Variants in DNAJB6 observed in about 807,000 individuals in gnomAD.
The protein encoded by DNAJB6 is dnaJ homolog subfamily B member 6.
Under a neutral mutation model 42.7 loss-of-function variants are expected in DNAJB6, and 16 were observed. The ratio of observed to expected loss-of-function variants is 0.37; its 90% CI spans 0.25 to 0.57. The LOEUF (loss-of-function observed/expected upper bound fraction) is 0.57, where lower values mean the gene tolerates loss of function less well. DNAJB6 is among the 20% of genes least tolerant of loss of function. DNAJB6 has a pLI of 0.74. For missense variants in DNAJB6, 347 were observed against 416.8 expected (o/e 0.83, Z 1.46); for synonymous variants, 170 against 163.5 (o/e 1.04, Z -0.30).
At chr7:157,408,741 T>C (rs1193830556) in intron 8 of DNAJB6, among the ~76,000 whole-genome samples, 3 of 152,256 alleles carry the variant, frequency 2.0e-5, no homozygotes, top group Non-Finnish European at 1.5e-5. Context: ...AGCTCCTGAA[T>C]GTCTGTCGGT....
At chr7:157,350,171 T>C (rs1240477507) in intron 1 of DNAJB6, among the ~76,000 whole-genome samples, 1 of 152,194 alleles carries the variant, frequency 6.6e-6, no homozygotes, top group Non-Finnish European at 1.5e-5. Flanking sequence ...TATCTTTTGT[T>C]GGTGGCAATT....
At chr7:157,346,811 T>TGAC (rs1798711275) in intron 1 of DNAJB6, among the ~76,000 whole-genome samples, 1 of 152,334 alleles carries the variant, frequency 6.6e-6, no homozygotes, top group South Asian at 2.1e-4. Flanking sequence ...GCAGGTTTCC[T>TGAC]TGGAGACACG....
At chr7:157,369,757 C>CATT (rs1365434921) in intron 5 of DNAJB6, among the ~76,000 whole-genome samples, 1 of 148,948 alleles carries the variant, frequency 6.7e-6, no homozygotes, top group Non-Finnish European at 1.5e-5. Flanking sequence ...CCCTTCTTAA[C>CATT]ATTATTATTA....
At chr7:157,384,680 C>G (rs1800963145) in intron 6 of DNAJB6, among the ~76,000 whole-genome samples, 187 bp from the exon 7 acceptor site, 1 of 152,204 alleles carries the variant, frequency 6.6e-6, no homozygotes, top group Non-Finnish European at 1.5e-5. Flanking sequence ...ACTCAGGGAT[C>G]TGAGAGACAG....
At chr7:157,375,491 G>A (rs1023075217) in intron 5 of DNAJB6, among the ~76,000 whole-genome samples, 6 of 152,192 alleles carry the variant, frequency 3.9e-5, no homozygotes, top group Non-Finnish European at 8.8e-5. Flanking sequence ...AATTATACTT[G>A]TAATAAAAAA....
At chr7:157,341,005 C>CGCTCGCGCGT (rs1261590170) in intron 1 of DNAJB6, among the ~76,000 whole-genome samples, 1 of 144,892 alleles carries the variant, frequency 6.9e-6, no homozygotes, top group Non-Finnish European at 1.6e-5. Context: ...TGTGCGCGCG[C>CGCTCGCGCGT]GCAGGTGGAA....
chr7:157,376,834 C>A (rs1280244708), intron 5 of DNAJB6, among the ~76,000 whole-genome samples: 1 of 152,130 alleles, frequency 6.6e-6, no homozygotes, highest in Non-Finnish European at 1.5e-5. Context: ...GAGCCAAGAT[C>A]GCGCCACTAC....
intron 8 of DNAJB6, among the ~76,000 whole-genome samples, chr7:157,390,575 T>C (rs1281520768): frequency 1.3e-5 from 2 of 152,144 alleles, no homozygotes; most frequent in African/African-American, 2.4e-5. Flanking sequence ...GCTGAAACAT[T>C]GCTGCTGAAA....
intron 8 of DNAJB6, among the ~76,000 whole-genome samples, chr7:157,402,008 G>A (rs973934562): frequency 7.2e-5 from 11 of 152,346 alleles, no homozygotes; most frequent in African/African-American, 1.7e-4. Context: ...CTTCCCCTGC[G>A]GTCGCTGTGA....
chr7:157,359,233 A>G (rs2116952343), intron 2 of DNAJB6, among the ~76,000 whole-genome samples: 1 of 152,338 alleles, frequency 6.6e-6, no homozygotes, highest in East Asian at 1.9e-4. Context: ...TTAGATTTTA[A>G]CATAGCTAGA....
At chr7:157,376,836 C>T (rs1360223269) in intron 5 of DNAJB6, among the ~76,000 whole-genome samples, 3 of 152,140 alleles carry the variant, frequency 2.0e-5, no homozygotes, top group East Asian at 1.9e-4. Flanking sequence ...GCCAAGATCG[C>T]GCCACTACAC....
chr7:157,337,058 A>C lies in DNAJB6; in HGVS notation c.-113A>C, dbSNP rs966816243. 1 of 152,388 alleles carries C rather than the reference A, an allele frequency of 6.6e-6. No individual in the cohort carries two copies. The highest frequency in any genetic ancestry group is 1.5e-5 in the Non-Finnish European group (1 of 68,222). The allele number at this position is 152,388 out of a possible 1,614,324, so 9.4% of individuals were successfully genotyped here. A position where few individuals can be genotyped will look rare whatever the true frequency, so the allele number is the denominator to read the frequency against. ...GAAAGCGCGAGGAGCCGCCGCCACCACCAGCGCAGCAGTCCTGGAGCTGTG... is the reference window on the plus strand; with the variant it reads ...GAAAGCGCGAGGAGCCGCCGCCACCCCCAGCGCAGCAGTCCTGGAGCTGTG... On this transcript the variant is annotated 5_prime_UTR_variant, in exon 1 of 10. Transcript: ENST00000262177.
rs115765858 is a variant in DNAJB6, at chr7:157,363,082, G to C, written c.66-79G>C. The C allele has an allele frequency of 1.1e-3, 1,088 of 950,646 alleles. 7 individuals carry two copies. The African/African-American group carries it at 0.015, about 13-fold the overall frequency. The allele number at this position is 950,646 out of a possible 1,614,324, so 58.9% of individuals were successfully genotyped here. A position where few individuals can be genotyped will look rare whatever the true frequency, so the allele number is the denominator to read the frequency against. ...AGTTGGCAGCTCTGAAGCCATTCTC[G>C]TGGTTAATGATGTTAGTTTCAAAAG... On this transcript the variant is annotated intron_variant, in intron 2 of 9. Transcript: ENST00000262177.
At chr7:157,365,674 T>TG (rs1306114592) in intron 3 of DNAJB6, among the ~76,000 whole-genome samples, 1 of 152,138 alleles carries the variant, frequency 6.6e-6, no homozygotes, top group Non-Finnish European at 1.5e-5. Context: ...AAAAATTTTT[T>TG]TTTGCTTTTG....
At chr7:157,363,887 G>A (rs1212352179) in intron 3 of DNAJB6, among the ~76,000 whole-genome samples, 1 of 152,130 alleles carries the variant, frequency 6.6e-6, no homozygotes, top group Admixed American at 6.6e-5. Flanking sequence ...CATGGGGGAA[G>A]TAAAGGCTGT....
chr7:157,339,438 C>G (rs1403917902), intron 1 of DNAJB6, among the ~76,000 whole-genome samples: 1 of 151,852 alleles, frequency 6.6e-6, no homozygotes, highest in Non-Finnish European at 1.5e-5. Flanking sequence ...GCTGGGACTT[C>G]AAGCTTCCGC....
At position 157,370,322 on chromosome 7, in the gene DNAJB6, G is replaced by GGGCCCCTTCTTAACATTATTATTAAACA. The variant is rs1413517350; in HGVS notation, c.346+2844_346+2871dup. On this transcript the variant is annotated intron_variant, in intron 5 of 9. Transcript: ENST00000262177. ...CCCCTTCTTAACATTATTATTAAAC[G>GGGCCCCTTCTTAACATTATTATTAAACA]GGCCCCTTCTTAACATTATTATTAA... Among the ~76,000 whole-genome samples, 16 of 149,672 alleles carry GGGCCCCTTCTTAACATTATTATTAAACA rather than the reference G, an allele frequency of 1.1e-4. 8 individuals are homozygous for GGGCCCCTTCTTAACATTATTATTAAACA. The highest frequency in any genetic ancestry group is 3.5e-4 in the African/African-American group (14 of 40,484).
At chr7:157,375,870 G>C (rs1165961926) in intron 5 of DNAJB6, among the ~76,000 whole-genome samples, 1 of 152,196 alleles carries the variant, frequency 6.6e-6, no homozygotes, top group African/African-American at 2.4e-5. Context: ...TTTGGAACTT[G>C]AGGAGAGAGT....
At chr7:157,396,965 G>A (rs1390298869) in intron 8 of DNAJB6, among the ~76,000 whole-genome samples, 2 of 152,326 alleles carry the variant, frequency 1.3e-5, no homozygotes, top group Middle Eastern at 3.4e-3. Context: ...GCCACGGGAC[G>A]TGATGCCAGT....
Sources: gnomAD v4.1 joint callset for allele counts (sites outside exome capture counted in the v4.1 genomes callset) on GRCh38, gnomAD v4.1.1 for gene constraint, MANE v1.5 for transcripts, NCBI Gene and HGNC (gene_info 2026-07-23, HGNC 2026-07-21) for gene names.